WDR72: variants seen among roughly 807,000 people sequenced by gnomAD.
The protein encoded by WDR72 is WD repeat domain 72.
Under a neutral mutation model 124.2 loss-of-function variants are expected in WDR72, and 120 were observed. That is an observed-to-expected ratio of 0.97 (90% CI 0.83 to 1.12). The LOEUF (loss-of-function observed/expected upper bound fraction) is 1.12. WDR72 is among the 50% of genes most tolerant of loss of function. The probability of loss-of-function intolerance (pLI) is 0.00; values close to 1 mark genes in which losing one functional copy is unlikely to be tolerated. For missense variants in WDR72, 1,387 were observed against 1,278.8 expected (o/e 1.08, Z -1.29); for synonymous variants, 452 against 441.7 (o/e 1.02, Z -0.29).
chr15:53,578,134 A>G (rs2171479), intron 18 of WDR72, among the ~76,000 whole-genome samples: 82,299 of 151,968 alleles, frequency 0.54, 23,531 homozygotes, highest in African/African-American at 0.73. Flanking sequence ...TCAAGTATGT[A>G]CTGGGTACCC....
At chr15:53,735,421 G>T (rs550281965) in intron 1 of WDR72, among the ~76,000 whole-genome samples, 1 of 152,172 alleles carries the variant, frequency 6.6e-6, no homozygotes, top group Non-Finnish European at 1.5e-5. Context: ...GAAAGAACAG[G>T]GAACAGTGAC....
intron 1 of WDR72, among the ~76,000 whole-genome samples, chr15:53,735,022 A>C (rs952626745): frequency 6.6e-6 from 1 of 152,126 alleles, no homozygotes; most frequent in African/African-American, 2.4e-5. Flanking sequence ...GGCTAGGCGC[A>C]GTGTCTCAGG....
intron 1 of WDR72, among the ~76,000 whole-genome samples, chr15:53,739,859 G>T (rs927531754): frequency 6.6e-6 from 1 of 152,034 alleles, no homozygotes; most frequent in Non-Finnish European, 1.5e-5. Flanking sequence ...ATTTTTTTAC[G>T]GGCAATGTGC....
chr15:53,535,803 G>A (rs1202846862), intron 18 of WDR72, among the ~76,000 whole-genome samples: 1 of 152,100 alleles, frequency 6.6e-6, no homozygotes, highest in Admixed American at 6.5e-5. Flanking sequence ...GAATCTCAGA[G>A]CTTCCAACCC....
intron 3 of WDR72, among the ~76,000 whole-genome samples, chr15:53,720,358 G>C (rs1293578735): frequency 6.6e-6 from 1 of 151,966 alleles, no homozygotes; most frequent in Non-Finnish European, 1.5e-5. Context: ...TGTGTGAATG[G>C]GTGTATATAA....
intron 18 of WDR72, among the ~76,000 whole-genome samples, chr15:53,540,045 T>C (rs185593346): frequency 4.6e-5 from 7 of 152,266 alleles, no homozygotes; most frequent in Non-Finnish European, 7.4e-5. Context: ...GAGAAGAGTA[T>C]TTCGTAATAC....
chr15:53,517,420 G>A lies in WDR72; in HGVS notation c.*279C>T. ...TGTCTGTGGACTGGCATTCCCTGTTGGAAATATTAACAGAAAAAGTAAGAA... is the reference window on the plus strand; with the variant it reads ...TGTCTGTGGACTGGCATTCCCTGTTAGAAATATTAACAGAAAAAGTAAGAA... On this transcript the variant is annotated 3_prime_UTR_variant, in exon 20 of 20. Transcript: ENST00000360509. 2.5e-6 allele frequency: 1 copy of A among 404,620 alleles called. No homozygotes were observed. The highest frequency in any genetic ancestry group is 2.0e-5 in the African/African-American group (1 of 49,142). 25.1% of individuals were successfully genotyped at this position (404,620 alleles called of 1,614,324 possible).
chr15:53,543,863 C>T (rs145754665), intron 18 of WDR72, among the ~76,000 whole-genome samples: 4 of 152,124 alleles, frequency 2.6e-5, no homozygotes, highest in African/African-American at 9.7e-5. Context: ...ACTACAAACA[C>T]CTCTACAAAC....
At chr15:53,536,496 CAAAG>C (rs1892771858) in intron 18 of WDR72, among the ~76,000 whole-genome samples, 2 of 151,936 alleles carry the variant, frequency 1.3e-5, no homozygotes, top group African/African-American at 4.8e-5. Context: ...GGTCGACCTC[CAAAG>C]AAAGGAAGGG....
intron 14 of WDR72, among the ~76,000 whole-genome samples, chr15:53,650,722 A>C (rs1441775074): frequency 6.6e-6 from 1 of 152,076 alleles, no homozygotes; most frequent in Non-Finnish European, 1.5e-5. Flanking sequence ...TCCCACTGGC[A>C]CTTTGGGATA....
rs2017310893 is a variant in WDR72, at chr15:53,705,110, G to A, written c.1226C>T (p.Ser409Leu). The change falls in exon 11 of 20, where the codon TCA (serine) becomes TTA (leucine). Residue 409 changes from serine to leucine, a missense_variant. Transcript: ENST00000360509. ...ATCAAGACTTGGAATATACTCTGATGAAGTGACTACAGCAGTTCCTGCCCC... is the reference window on the plus strand; with the variant it reads ...ATCAAGACTTGGAATATACTCTGATAAAGTGACTACAGCAGTTCCTGCCCC... The part of the protein sequence containing the change: ...KDGAGTAVVT[S>L]SEYIPSLDKL... 1 of 1,614,006 alleles carries A rather than the reference G, an allele frequency of 6.2e-7. No homozygotes were observed. The highest frequency in any genetic ancestry group is 8.5e-7 in the Non-Finnish European group (1 of 1,180,032).
At chr15:53,560,951 T>A (rs1019027877) in intron 18 of WDR72, among the ~76,000 whole-genome samples, 2 of 151,830 alleles carry the variant, frequency 1.3e-5, no homozygotes, top group South Asian at 2.1e-4. Context: ...TCTTCCACAC[T>A]CTCTCTTCTT....
chr15:53,570,665 G>A (rs772443898), intron 18 of WDR72, among the ~76,000 whole-genome samples: 1 of 152,070 alleles, frequency 6.6e-6, no homozygotes, highest in Admixed American at 6.6e-5. Flanking sequence ...CCTGTGGAAA[G>A]CAGTTTGGAG....
At chr15:53,686,339 A>C (rs2016623265) in intron 13 of WDR72, among the ~76,000 whole-genome samples, 1 of 152,070 alleles carries the variant, frequency 6.6e-6, no homozygotes, top group Non-Finnish European at 1.5e-5. Context: ...AGACACACAT[A>C]GGCTCAAAAT....
chr15:53,740,223 A>G (rs1207234602), intron 1 of WDR72, among the ~76,000 whole-genome samples: 2 of 152,158 alleles, frequency 1.3e-5, no homozygotes, highest in African/African-American at 4.8e-5. Context: ...CCCCAAGGAT[A>G]GAGATCAGTC....
At chr15:53,589,414 T>A (rs1002268735) in intron 18 of WDR72, among the ~76,000 whole-genome samples, 1 of 151,954 alleles carries the variant, frequency 6.6e-6, no homozygotes, top group African/African-American at 2.4e-5. Flanking sequence ...CAGTACAAAC[T>A]ATCTCACTTT....
rs1243773411 is a variant in WDR72 at position 53,517,733 on chromosome 15, C to A, written c.3275G>T (p.Trp1092Leu). ...ESPGEPRHHS[W>L]IAKVCPCKVS ...CTTGCAGGGGCAGACCTTTGCTATC[C>A]ATGAATGATGCCTTGGCTCACCTAG... Residue 1092 changes from tryptophan to leucine, a missense_variant, in exon 20 of 20, where the codon TGG (tryptophan) becomes TTG (leucine). By Grantham distance (61) the Trp-to-Leu change is moderately conservative (BLOSUM62 -2). Coordinates refer to ENST00000360509, the MANE Select transcript of WDR72 (RefSeq NM_182758.4). 1.2e-6 allele frequency: 2 copies of A among 1,612,674 alleles called. No homozygotes were observed. The highest frequency in any genetic ancestry group is 3.3e-5 in the Admixed American group (2 of 59,902).
intron 14 of WDR72, among the ~76,000 whole-genome samples, chr15:53,621,929 A>T (rs1380960327): frequency 6.6e-6 from 1 of 152,198 alleles, no homozygotes; most frequent in Non-Finnish European, 1.5e-5. Context: ...ATTTACAAGA[A>T]AAAAACAAAC....
At chr15:53,559,243 G>A (rs958187371) in intron 18 of WDR72, among the ~76,000 whole-genome samples, 1 of 151,724 alleles carries the variant, frequency 6.6e-6, no homozygotes, top group Non-Finnish European at 1.5e-5. Flanking sequence ...CCATGGACTA[G>A]AAAGAAGAAA....
Sources: allele counts gnomAD v4.1 joint callset (sites outside exome capture counted in the v4.1 genomes callset), GRCh38; gene constraint gnomAD v4.1.1; transcripts MANE v1.5; gene names NCBI Gene and HGNC (gene_info 2026-07-23, HGNC 2026-07-21).